Variants in DOP1A observed in about 807,000 individuals in gnomAD.
DOP1A encodes the protein protein DOP1A.
In DOP1A, 90 loss-of-function variants were observed where a neutral mutation model predicts 267.6. The ratio of observed to expected loss-of-function variants is 0.34; its 90% CI spans 0.28 to 0.40. The LOEUF is 0.40. Ranked by LOEUF, DOP1A falls within the 10% of genes least tolerant of loss-of-function variation. The probability of loss-of-function intolerance (pLI) is 1.00; values close to 1 mark genes in which losing one functional copy is unlikely to be tolerated. For missense variants in DOP1A, 2,437 were observed against 2,900.4 expected, an observed-to-expected ratio of 0.84 and a Z score of 3.67; for synonymous variants, 932 against 999.1, an observed-to-expected ratio of 0.93 and a Z score of 1.27.
Position 83,140,058 on chromosome 6 carries a change from A to G in DOP1A, c.5179A>G (p.Ile1727Val). ...TATGATTCTTACTCTTTTGGAAGGG[A>G]TTACAGCCATTATCCATTACTGTTT... ...PDMILTLLEG[I>V]TAIIHYCLLD... The change falls in exon 22 of 39, where the codon ATT becomes GTT. Residue 1727 changes from isoleucine to valine, a missense_variant. By Grantham distance (29) the Ile-to-Val change is conservative. Coordinates refer to ENST00000349129, the MANE Select transcript of DOP1A (RefSeq NM_015018.4). The G allele has an allele frequency of 1.2e-6, 2 of 1,613,708 alleles. No homozygotes were observed. The highest frequency in any genetic ancestry group is 1.7e-6 in the Non-Finnish European group (2 of 1,179,808).
intron 1 of DOP1A, among the ~76,000 whole-genome samples, chr6:83,076,603 A>G (rs1302880020): frequency 6.6e-6 from 1 of 152,150 alleles, no homozygotes; most frequent in Non-Finnish European, 1.5e-5. Flanking sequence ...TATGATGGCT[A>G]CTATTAAAAA....
downstream of DOP1A, chr6:83,170,710 A>C: frequency 2.3e-6 from 1 of 434,248 alleles, no homozygotes; most frequent in Non-Finnish European, 4.1e-6. Flanking sequence ...TAGAGTTACC[A>C]CTAAGATAAT....
In DOP1A at chr6:83,137,962, A is replaced by T; in HGVS notation, c.3920A>T (p.Asp1307Val). ...AAAGTAAAACTTGCCAGAAAAAAGG[A>T]TGATGACAAGAAAAAATCTTCAAAT... Reference protein sequence around the residue: ...KPKVKLARKKDDDKKKSSNEK... With the variant: ...KPKVKLARKKVDDKKKSSNEK... The change falls in exon 21 of 39, where the codon GAT (aspartate) becomes GTT (valine). Residue 1307 changes from aspartate (D) to valine (V), a missense_variant. Transcript: ENST00000349129. The T allele has an allele frequency of 6.2e-7, 1 of 1,605,746 alleles. No homozygotes were observed. The highest frequency in any genetic ancestry group is 2.2e-5 in the East Asian group (1 of 44,816).
At chr6:83,111,488 T>C (rs1774553169) in intron 6 of DOP1A, among the ~76,000 whole-genome samples, 1 of 152,070 alleles carries the variant, frequency 6.6e-6, no homozygotes, top group African/African-American at 2.4e-5. Context: ...TTATTTCCAC[T>C]TGCAGTATAT....
intron 27 of DOP1A, among the ~76,000 whole-genome samples, chr6:83,149,105 G>C (rs183253366): frequency 6.6e-6 from 1 of 152,216 alleles, no homozygotes; most frequent in East Asian, 1.9e-4. Flanking sequence ...ACATAAAACT[G>C]TTACAACAGT....
At chr6:83,102,157 T>C (rs559062191) in intron 4 of DOP1A, among the ~76,000 whole-genome samples, 1 of 152,364 alleles carries the variant, frequency 6.6e-6, no homozygotes, top group African/African-American at 2.4e-5. Context: ...TCTTCTCCTA[T>C]TGACCTGACC....
At position 83,168,174 on chromosome 6, in the gene DOP1A, T is replaced by C. The variant is rs765677299; in HGVS notation, c.*7T>C. The C allele has an allele frequency of 6.2e-6, 10 of 1,607,624 alleles. No homozygotes were observed. The highest frequency in any genetic ancestry group is 1.7e-4 in the Middle Eastern group (1 of 5,976). ...AGGGATGATAAAAACTTGAGCACCATTGCTGGTTCCATTTAGCTTACATGT... is the reference window on the plus strand; with the variant it reads ...AGGGATGATAAAAACTTGAGCACCACTGCTGGTTCCATTTAGCTTACATGT... On this transcript the variant is annotated 3_prime_UTR_variant, in exon 39 of 39. Transcript: ENST00000349129.
chr6:83,130,029 A>C (rs1777779914), intron 16 of DOP1A, 94 bp from the exon 17 acceptor site: 4 of 1,482,112 alleles, frequency 2.7e-6, no homozygotes, highest in Non-Finnish European at 3.6e-6. Context: ...AAGGCCTTAA[A>C]AGTATTTAGT....
At position 83,138,230 on chromosome 6, in the gene DOP1A, T is replaced by C; in HGVS notation, c.4188T>C (p.Pro1396=). The C allele has an allele frequency of 6.2e-7, 1 of 1,613,604 alleles. No individual in the cohort carries two copies. The highest frequency in any genetic ancestry group is 1.1e-5 in the South Asian group (1 of 91,074). ...SAIKAILKTN[P]IAFVNAISTT... The stretch of plus-strand genomic sequence containing the variant: ...TCAAAGCCATCTTGAAAACTAACCC[T>C]ATAGCTTTTGTAAATGCCATTTCAA... Residue 1396 remains proline, a synonymous_variant, in exon 21 of 39, where the codon CCT becomes CCC. Transcript: ENST00000349129.
intron 10 of DOP1A, among the ~76,000 whole-genome samples, chr6:83,121,460 A>G (rs201982716): frequency 6.6e-6 from 1 of 151,768 alleles, no homozygotes; most frequent in Non-Finnish European, 1.5e-5. Flanking sequence ...TGTAATAGCA[A>G]GAAAATTTAG....
At chr6:83,077,710 A>G (rs1767345928) in intron 1 of DOP1A, among the ~76,000 whole-genome samples, 2 of 152,186 alleles carry the variant, frequency 1.3e-5, no homozygotes, top group African/African-American at 2.4e-5. Flanking sequence ...TTCTAGAAAC[A>G]TGAAGCATAT....
At chr6:83,082,829 A>AC (rs1395386528) in intron 1 of DOP1A, among the ~76,000 whole-genome samples, 1 of 147,956 alleles carries the variant, frequency 6.8e-6, no homozygotes, top group Admixed American at 6.7e-5. Context: ...TTTTTTTGAG[A>AC]CCGAGTTTTG....
intron 13 of DOP1A, 117 bp from the exon 14 acceptor site, chr6:83,125,049 A>T: frequency 1.0e-6 from 1 of 959,638 alleles, no homozygotes; most frequent in Non-Finnish European, 1.6e-6. Flanking sequence ...TTAACTGTTT[A>T]GTGTATAGTG....
At chr6:83,082,111 A>G (rs922776264) in intron 1 of DOP1A, among the ~76,000 whole-genome samples, 1 of 152,022 alleles carries the variant, frequency 6.6e-6, no homozygotes, top group African/African-American at 2.4e-5. Context: ...AACAGTAAGG[A>G]GGGGCCTCAA....
At chr6:83,126,406 G>A (rs1330949161) in intron 15 of DOP1A, among the ~76,000 whole-genome samples, 5 of 151,994 alleles carry the variant, frequency 3.3e-5, no homozygotes, top group South Asian at 2.1e-4. Flanking sequence ...CCGGGGACCC[G>A]TCCCTGGCTG....
chr6:83,170,399 T>C (rs372905610), downstream of DOP1A: 9 of 1,614,036 alleles, frequency 5.6e-6, no homozygotes, highest in African/African-American at 2.7e-5. Flanking sequence ...CACCAGGTCA[T>C]TGATTGCCTC....
chr6:83,102,408 C>T, intron 4 of DOP1A, among the ~76,000 whole-genome samples: 1 of 152,294 alleles, frequency 6.6e-6, no homozygotes, highest in East Asian at 1.9e-4. Context: ...TTTGTGTCCT[C>T]ACTTGCACAA....
At chr6:83,162,734 T>G in intron 37 of DOP1A, 56 bp from the exon 38 acceptor site, 1 of 1,545,194 alleles carries the variant, frequency 6.5e-7, no homozygotes, top group Non-Finnish European at 8.7e-7. Context: ...TGTGGCCTAA[T>G]CTTAGATGGC....
rs751882115 is a variant in DOP1A, at chr6:83,168,209, T to C, written c.*42T>C. 1 of 1,570,224 alleles carries C rather than the reference T, an allele frequency of 6.4e-7. No individual in the cohort carries two copies. Among genetic ancestry groups the C allele is most frequent in the South Asian group, 1.2e-5 (1 of 82,460 alleles). Reference sequence around the variant, plus strand: ...CATTTAGCTTACATGTAAATGTAATTATTTAAAACACACACACTGCTCTGC... The same window carrying C: ...CATTTAGCTTACATGTAAATGTAATCATTTAAAACACACACACTGCTCTGC... On this transcript the variant is annotated 3_prime_UTR_variant, in exon 39 of 39. Transcript: ENST00000349129.
Sources: allele counts gnomAD v4.1 joint callset (sites outside exome capture counted in the v4.1 genomes callset), GRCh38; gene constraint gnomAD v4.1.1; transcripts MANE v1.5; gene names NCBI Gene and HGNC (gene_info 2026-07-23, HGNC 2026-07-21).